SLC35F1: variants seen among roughly 807,000 people sequenced by gnomAD.
SLC35F1 encodes the protein solute carrier family 35 member F1.
SLC35F1 carries 14 observed loss-of-function variants against 48.7 expected under a neutral mutation model. That is an observed-to-expected ratio of 0.29 (90% CI 0.19 to 0.45). The LOEUF (loss-of-function observed/expected upper bound fraction) is 0.45. SLC35F1 is among the 20% of genes least tolerant of loss of function. SLC35F1 has a pLI of 1.00. For synonymous variants in SLC35F1, 190 were observed against 202.2 expected, an observed-to-expected ratio of 0.94 and a Z score of 0.51; for missense variants, 404 against 500.0, an observed-to-expected ratio of 0.81 and a Z score of 1.83.
intron 6 of SLC35F1, among the ~76,000 whole-genome samples, chr6:118,279,607 T>G (rs1384883778): frequency 6.6e-6 from 1 of 152,202 alleles, no homozygotes; most frequent in African/African-American, 2.4e-5. Context: ...AGCTTGACAT[T>G]GCACTTTCTT....
At chr6:118,055,061 C>T (rs1772444982) in intron 1 of SLC35F1, among the ~76,000 whole-genome samples, 1 of 152,206 alleles carries the variant, frequency 6.6e-6, no homozygotes, top group African/African-American at 2.4e-5. Flanking sequence ...AGGTGCGAGC[C>T]ACCGTGCCCA....
chr6:118,247,175 G>A (rs1165936216), intron 3 of SLC35F1, among the ~76,000 whole-genome samples: 4 of 152,184 alleles, frequency 2.6e-5, no homozygotes. Flanking sequence ...AAATTTAAGA[G>A]GAATGGTGAA....
intron 1 of SLC35F1, among the ~76,000 whole-genome samples, chr6:118,024,648 C>G (rs1452639438): frequency 6.6e-6 from 1 of 152,064 alleles, no homozygotes; most frequent in Admixed American, 6.5e-5. Context: ...TAGTTTTCAG[C>G]ATAAAATTGC....
chr6:118,267,528 A>G (rs1175156044), intron 4 of SLC35F1, among the ~76,000 whole-genome samples: 1 of 151,998 alleles, frequency 6.6e-6, no homozygotes, highest in Non-Finnish European at 1.5e-5. Context: ...GAGCTAATTC[A>G]CTCCTGAGCC....
chr6:118,125,226 A>G (rs1367938142), intron 1 of SLC35F1, among the ~76,000 whole-genome samples: 3 of 152,190 alleles, frequency 2.0e-5, no homozygotes, highest in African/African-American at 7.2e-5. Context: ...CTACTGATTC[A>G]AAACTCCTAT....
chr6:118,237,483 G>A (rs1393700292), intron 3 of SLC35F1, among the ~76,000 whole-genome samples: 1 of 152,074 alleles, frequency 6.6e-6, no homozygotes, highest in African/African-American at 2.4e-5. Context: ...CAACTTCCTG[G>A]GCTAAAGCGA....
At chr6:118,034,233 C>G (rs796323119) in intron 1 of SLC35F1, among the ~76,000 whole-genome samples, 1 of 151,986 alleles carries the variant, frequency 6.6e-6, no homozygotes, top group East Asian at 1.9e-4. Flanking sequence ...AAAACCTGTT[C>G]TTAGCATACA....
chr6:118,305,624 T>C (rs1286946438), intron 7 of SLC35F1, among the ~76,000 whole-genome samples: 1 of 152,174 alleles, frequency 6.6e-6, no homozygotes, highest in Non-Finnish European at 1.5e-5. Context: ...GCAAAGTCCT[T>C]AGATGATGAT....
At chr6:118,099,216 T>C (rs1042021020) in intron 1 of SLC35F1, among the ~76,000 whole-genome samples, 9 of 152,136 alleles carry the variant, frequency 5.9e-5, no homozygotes, top group Non-Finnish European at 1.2e-4. Context: ...CTGTGAAAAA[T>C]CATCTAGAGT....
chr6:118,280,313 C>T (rs975891161), intron 6 of SLC35F1, among the ~76,000 whole-genome samples: 4 of 152,122 alleles, frequency 2.6e-5, no homozygotes, highest in African/African-American at 7.2e-5. Flanking sequence ...TACTGTCATA[C>T]TGTGGGTCAT....
rs1562238737 is a variant in SLC35F1 at position 117,923,678 on chromosome 6, C to CATATATGTATAT, written c.173+15785_173+15786insGTATATATATAT. Among the ~76,000 whole-genome samples the CATATATGTATAT allele has an allele frequency of 9.5e-5, 2 of 20,966 alleles. 1 individual carries two copies. Among genetic ancestry groups the CATATATGTATAT allele is most frequent in the African/African-American group, 3.9e-4 (2 of 5,150 alleles). The allele number at this position is 20,966 out of a possible 152,430, so 13.8% of individuals were successfully genotyped here. On this transcript the variant is annotated intron_variant, in intron 1 of 7. Coordinates refer to ENST00000360388, the MANE Select transcript of SLC35F1 (RefSeq NM_001029858.4). ...ACATATGTATATATACATATATGTA[C>CATATATGTATAT]ATATATACATATGTACATATACATA...
At chr6:118,281,587 C>T (rs1045263396) in intron 6 of SLC35F1, among the ~76,000 whole-genome samples, 1 of 152,126 alleles carries the variant, frequency 6.6e-6, no homozygotes, top group Non-Finnish European at 1.5e-5. Flanking sequence ...GTCAGATCTC[C>T]TCTAGATGTG....
intron 1 of SLC35F1, among the ~76,000 whole-genome samples, chr6:118,000,607 G>C (rs1398545033): frequency 6.6e-6 from 1 of 152,166 alleles, no homozygotes; most frequent in South Asian, 2.1e-4. Flanking sequence ...AGGGCAATTA[G>C]GTAGGAGAAG....
At chr6:118,156,705 A>G (rs1416061352) in intron 2 of SLC35F1, among the ~76,000 whole-genome samples, 3 of 152,116 alleles carry the variant, frequency 2.0e-5, no homozygotes, top group African/African-American at 4.8e-5. Context: ...AAAATAAGAA[A>G]TACATTGGTT....
intron 1 of SLC35F1, among the ~76,000 whole-genome samples, chr6:117,959,859 T>G (rs117373324): frequency 1.0e-3 from 159 of 152,312 alleles, no homozygotes; most frequent in Non-Finnish European, 1.5e-3. Context: ...TCTCAATTAA[T>G]ATTCTCCATA....
intron 1 of SLC35F1, among the ~76,000 whole-genome samples, chr6:118,052,343 C>CT (rs1038859254): frequency 2.0e-5 from 3 of 152,136 alleles, no homozygotes; most frequent in African/African-American, 7.2e-5. Context: ...TAATAGGAGA[C>CT]TGAGAAAGTG....
At chr6:118,048,253 GC>G in intron 1 of SLC35F1, among the ~76,000 whole-genome samples, 1 of 152,198 alleles carries the variant, frequency 6.6e-6, no homozygotes, top group East Asian at 1.9e-4. Flanking sequence ...TGGTGGATAA[GC>G]TTTTTGATGT....
intron 1 of SLC35F1, among the ~76,000 whole-genome samples, chr6:118,115,302 C>A (rs886469125): frequency 6.6e-6 from 1 of 152,092 alleles, no homozygotes; most frequent in African/African-American, 2.4e-5. Context: ...GTGCACTGAC[C>A]ACATAGCAGG....
chr6:118,204,788 C>T (rs998468496), intron 2 of SLC35F1, among the ~76,000 whole-genome samples: 28 of 152,328 alleles, frequency 1.8e-4, no homozygotes, highest in African/African-American at 6.3e-4. Flanking sequence ...CAGAAATCCC[C>T]ATCCCCATAA....
Sources: gnomAD v4.1 joint callset for allele counts (sites outside exome capture counted in the v4.1 genomes callset) on GRCh38, gnomAD v4.1.1 for gene constraint, MANE v1.5 for transcripts, NCBI Gene and HGNC (gene_info 2026-07-23, HGNC 2026-07-21) for gene names.